The following ODF4 variants were observed in gnomAD, a reference collection of about 807,000 sequenced individuals.
The protein encoded by ODF4 is outer dense fiber of sperm tails 4, also known as outer dense fiber protein 4.
Under a neutral mutation model 17.0 loss-of-function variants are expected in ODF4, and 11 were observed. The ratio of observed to expected loss-of-function variants is 0.65; its 90% CI spans 0.41 to 1.07. The LOEUF (loss-of-function observed/expected upper bound fraction) is 1.07. ODF4 is among the 50% of genes least tolerant of loss of function. ODF4 has a pLI of 0.00. For missense variants in ODF4, 281 were observed against 310.2 expected (o/e 0.91, Z 0.71); for synonymous variants, 127 against 121.8 (o/e 1.04, Z -0.28).
Position 8,339,847 on chromosome 17 carries a change from T to G in ODF4, c.-205T>G. 1 of 353,790 alleles carries G rather than the reference T, an allele frequency of 2.8e-6. No individual in the cohort carries two copies. The highest frequency in any genetic ancestry group is 5.0e-6 in the Non-Finnish European group (1 of 198,060). 21.9% of individuals were successfully genotyped at this position (353,790 alleles called of 1,614,324 possible). ...GTGCCCCAGGAAAATTCCGTGGCAG[T>G]TAGGGGACCTGGCCTGCTGAATGGG... On this transcript the variant is annotated 5_prime_UTR_variant, in exon 1 of 3. Coordinates refer to ENST00000328248, the MANE Select transcript of ODF4 (RefSeq NM_153007.5).
At chr17:8,342,484 C>A (rs925858982) in intron 1 of ODF4, among the ~76,000 whole-genome samples, 3 of 144,366 alleles carry the variant, frequency 2.1e-5, no homozygotes, top group African/African-American at 8.0e-5. Flanking sequence ...CTCAGATGAT[C>A]CGCCTGCCTC....
At chr17:8,341,497 T>C (rs908521110) in intron 1 of ODF4, among the ~76,000 whole-genome samples, 1 of 152,122 alleles carries the variant, frequency 6.6e-6, no homozygotes, top group Non-Finnish European at 1.5e-5. Flanking sequence ...TTCTGTTTGT[T>C]TCGCTGATTT....
chr17:8,342,931 C>T (rs1182143816), intron 1 of ODF4, among the ~76,000 whole-genome samples: 1 of 151,800 alleles, frequency 6.6e-6, no homozygotes, highest in Non-Finnish European at 1.5e-5. Context: ...CAGGGTCTCC[C>T]TCTGTTGCCC....
At position 8,345,162 on chromosome 17, in the gene ODF4, A is replaced by G; in HGVS notation, c.455-181A>G. The G allele has an allele frequency of 1.3e-6, 1 of 789,662 alleles. No homozygotes were observed. 48.9% of individuals were successfully genotyped at this position (789,662 alleles called of 1,614,324 possible). A position where few individuals can be genotyped will look rare whatever the true frequency, so the allele number is the denominator to read the frequency against. On this transcript the variant is annotated intron_variant, in intron 1 of 2. Coordinates refer to ENST00000328248, the MANE Select transcript of ODF4 (RefSeq NM_153007.5). The surrounding 1 kb of genome is among the most constrained non-coding windows in gnomAD (Gnocchi z 4.1). ...GGGTGGTGGGAGAACAGAACCGAGA[A>G]TCGAGTTACATCATTTCTTGGTCAC... is the stretch of plus-strand genomic sequence containing the variant.
Position 8,345,797 on chromosome 17 carries a change from C to A in ODF4, c.719C>A (p.Thr240Asn). 2 of 1,614,062 alleles carry A rather than the reference C, an allele frequency of 1.2e-6. No individual in the cohort carries two copies. The highest frequency in any genetic ancestry group is 1.7e-6 in the Non-Finnish European group (2 of 1,179,944). ...ESPRAQTITDTPITQEGVLDP... is the reference protein window; with the variant it reads ...ESPRAQTITDNPITQEGVLDP... ...CCAAGGGCACAGACGATCACAGACA[C>A]CCCCATCACCCAGGAGGGAGTCCTG... The change falls in exon 3 of 3, where the codon ACC (threonine) becomes AAC (asparagine). Residue 240 changes from threonine (T) to asparagine (N), a missense_variant. Physicochemically the swap from Thr to Asn is moderately conservative, Grantham distance 65 (BLOSUM62 0). Transcript: ENST00000328248. This position sits in a 1 kb window ranked among gnomAD's most constrained non-coding sequence, Gnocchi z 4.1.
At chr17:8,341,592 T>G (rs1044687821) in intron 1 of ODF4, among the ~76,000 whole-genome samples, 13 of 152,140 alleles carry the variant, frequency 8.5e-5, no homozygotes, top group African/African-American at 2.9e-4. Context: ...ACTTCCAGGC[T>G]CAAGGGATCC....
rs1205472730 is a variant in ODF4, at chr17:8,344,126, G to T, written c.455-1217G>T. ...TTTTAAAGAGACAGGGCCTCCCTAT[G>T]TTGTCCAGGCTGCTCTCAAACCCTC... On this transcript the variant is annotated intron_variant, in intron 1 of 2. Transcript: ENST00000328248. Among the ~76,000 whole-genome samples, 9 of 125,950 alleles carry T rather than the reference G, an allele frequency of 7.1e-5. 1 individual carries two copies. The highest frequency in any genetic ancestry group is 1.5e-4 in the Non-Finnish European group (9 of 59,066). The allele number at this position is 125,950 out of a possible 152,430, so 82.6% of individuals were successfully genotyped here. A position where few individuals can be genotyped will look rare whatever the true frequency, so the allele number is the denominator to read the frequency against.
intron 1 of ODF4, among the ~76,000 whole-genome samples, chr17:8,343,013 G>A (rs1906088200): frequency 6.6e-6 from 1 of 151,954 alleles, no homozygotes; most frequent in Non-Finnish European, 1.5e-5. Context: ...GATTACCGGT[G>A]TGAGCCATTG....
chr17:8,345,499 G>A lies in ODF4; in HGVS notation c.589+22G>A. 1.2e-6 allele frequency: 2 copies of A among 1,612,696 alleles called. No homozygotes were observed. The highest frequency in any genetic ancestry group is 1.7e-6 in the Non-Finnish European group (2 of 1,179,214). Reference sequence around the variant, plus strand: ...TGCGGTGAGTGGCCAGAGGGCCCTGGGGGAAGGAAGCGACATGGGTAGGGT... The same window carrying A: ...TGCGGTGAGTGGCCAGAGGGCCCTGAGGGAAGGAAGCGACATGGGTAGGGT... On this transcript the variant is annotated intron_variant, in intron 2 of 2. Coordinates refer to ENST00000328248, the MANE Select transcript of ODF4 (RefSeq NM_153007.5). This position sits in a 1 kb window ranked among gnomAD's most constrained non-coding sequence, Gnocchi z 4.1.
intron 1 of ODF4, among the ~76,000 whole-genome samples, chr17:8,343,376 G>A (rs867793317): frequency 2.3e-5 from 2 of 87,992 alleles, no homozygotes; most frequent in South Asian, 6.6e-4. Flanking sequence ...CAAGTGATCC[G>A]CCCACCTCAG....
rs758923048 is a variant in ODF4 at position 8,345,850 on chromosome 17, T to C, written c.772T>C (p.Ter258GlnextTer26). Residue 258 changes from the stop codon to glutamine (Q), a stop_lost, in exon 3 of 3, where the codon TAA becomes CAA. Transcript: ENST00000328248. The surrounding 1 kb of genome is among the most constrained non-coding windows in gnomAD (Gnocchi z 4.1). ...LDPEQKDTHV* is the reference protein window; with the variant it reads ...LDPEQKDTHVQ ...TCCTGAGCAGAAGGATACACATGTG[T>C]AATCTTTTCTGAACTCCTGGCACCA... 12 of 1,612,484 alleles carry C rather than the reference T, an allele frequency of 7.4e-6. No individual in the cohort carries two copies. The highest frequency in any genetic ancestry group is 1.0e-5 in the Non-Finnish European group (12 of 1,178,836).
At position 8,340,237 on chromosome 17, in the gene ODF4, G is replaced by C. The variant is rs377718099; in HGVS notation, c.186G>C (p.Gln62His). The C allele has an allele frequency of 7.4e-6, 12 of 1,614,092 alleles. No individual in the cohort carries two copies. The African/African-American group carries it at 1.5e-4, about 20-fold the overall frequency. The part of the protein sequence containing the change: ...LSSNRSLGQR[Q>H]NSPLPFQWRI... ...GTAACAGGTCCTTGGGCCAGCGCCA[G>C]AACTCTCCGCTGCCCTTTCAATGGA... The change falls in exon 1 of 3, where the codon CAG (glutamine) becomes CAC (histidine). Residue 62 changes from glutamine (Q) to histidine (H), a missense_variant. By Grantham distance (24) the Gln-to-His change is conservative (BLOSUM62 0). Transcript: ENST00000328248.
At position 8,344,246 on chromosome 17, in the gene ODF4, A is replaced by G. The variant is rs961783938; in HGVS notation, c.455-1097A>G. Among the ~76,000 whole-genome samples the G allele has an allele frequency of 3.1e-5, 4 of 127,648 alleles. 1 individual carries two copies. The highest frequency in any genetic ancestry group is 1.5e-4 in the Admixed American group (2 of 13,366). 83.7% of individuals were successfully genotyped at this position (127,648 alleles called of 152,430 possible). ...GCCTCGATGGTTTTTCACAAATCACATTTAATTAGCAATTCTTTGTGTTGA... is the reference window on the plus strand; with the variant it reads ...GCCTCGATGGTTTTTCACAAATCACGTTTAATTAGCAATTCTTTGTGTTGA... On this transcript the variant is annotated intron_variant, in intron 1 of 2. Transcript: ENST00000328248.
intron 1 of ODF4, among the ~76,000 whole-genome samples, chr17:8,341,664 T>C (rs1313212642): frequency 6.6e-6 from 1 of 152,086 alleles, no homozygotes; most frequent in Non-Finnish European, 1.5e-5. Flanking sequence ...CTGGTTCTTA[T>C]TGTTGTTAGT....
At position 8,346,033 on chromosome 17, in the gene ODF4, T is replaced by C; in HGVS notation, c.*181T>C. The C allele has an allele frequency of 3.8e-6, 2 of 527,994 alleles. No homozygotes were observed. Among genetic ancestry groups the C allele is most frequent in the South Asian group, 3.0e-5 (1 of 33,818 alleles). The allele number at this position is 527,994 out of a possible 1,614,324, so 32.7% of individuals were successfully genotyped here. A position where few individuals can be genotyped will look rare whatever the true frequency, so the allele number is the denominator to read the frequency against. ...TGAGTGATGTGGAATAAATTGTCCG[T>C]CTCTTCTTTCTCATATCTGGCTGTT... is the stretch of plus-strand genomic sequence containing the variant. On this transcript the variant is annotated 3_prime_UTR_variant, in exon 3 of 3. Coordinates refer to ENST00000328248, the MANE Select transcript of ODF4 (RefSeq NM_153007.5).
rs1305770322 is a variant in ODF4 at position 8,342,977 on chromosome 17, C to T, written c.455-2366C>T. 2.6e-5 allele frequency among the ~76,000 whole-genome samples: 4 copies of T among 151,902 alleles called. No individual in the cohort carries two copies. The East Asian group carries it at 7.7e-4, about 29-fold the overall frequency. On this transcript the variant is annotated intron_variant, in intron 1 of 2. Transcript: ENST00000328248. ...CCAACTCCTGGGCTCAAGTGATTCTCCTGCCTCCACCTCCCAAAGTGTTGG... is the reference window on the plus strand; with the variant it reads ...CCAACTCCTGGGCTCAAGTGATTCTTCTGCCTCCACCTCCCAAAGTGTTGG...
chr17:8,342,177 C>T (rs1906046025), intron 1 of ODF4, among the ~76,000 whole-genome samples: 1 of 152,170 alleles, frequency 6.6e-6, no homozygotes, highest in Non-Finnish European at 1.5e-5. Flanking sequence ...TCAGGTGTGC[C>T]TGGCTCTAAA....
intron 1 of ODF4, among the ~76,000 whole-genome samples, chr17:8,342,908 A>C (rs1478543967): frequency 1.0e-4 from 15 of 148,148 alleles, no homozygotes; most frequent in African/African-American, 3.5e-4. Context: ...TTTTTTTTTT[A>C]ATTTGTAGAG....
intron 1 of ODF4, among the ~76,000 whole-genome samples, chr17:8,343,409 A>C (rs1906109909): frequency 8.0e-6 from 1 of 124,864 alleles, no homozygotes; most frequent in African/African-American, 3.4e-5. Context: ...CTGGGATTAT[A>C]GGCGTGAGCC....
Sources: allele counts gnomAD v4.1 joint callset (sites outside exome capture counted in the v4.1 genomes callset), GRCh38; gene constraint gnomAD v4.1.1; non-coding constraint Gnocchi (gnomAD v3.1); transcripts MANE v1.5; gene names NCBI Gene and HGNC (gene_info 2026-07-23, HGNC 2026-07-21).